Variants in UNG observed in about 807,000 individuals in gnomAD.
UNG encodes uracil-DNA glycosylase.
Under a neutral mutation model 36.5 loss-of-function variants are expected in UNG, and 34 were observed. That is an observed-to-expected ratio of 0.93 (90% CI 0.71 to 1.24). The LOEUF (loss-of-function observed/expected upper bound fraction) is 1.24, where lower values mean the gene tolerates loss of function less well. Ranked by LOEUF, UNG falls within the 50% of genes most tolerant of loss-of-function variation. The probability of loss-of-function intolerance (pLI) is 0.00; values close to 1 mark genes in which losing one functional copy is unlikely to be tolerated. For synonymous variants in UNG, 172 were observed against 157.8 expected, an observed-to-expected ratio of 1.09 and a Z score of -0.67; for missense variants, 391 against 397.6, an observed-to-expected ratio of 0.98 and a Z score of 0.14.
At chr12:109,103,852 T>A (rs2042197509) in intron 6 of UNG, among the ~76,000 whole-genome samples, 1 of 152,158 alleles carries the variant, frequency 6.6e-6, no homozygotes, top group South Asian at 2.1e-4. Context: ...TGTGACTGAA[T>A]GCAGTTGGTG....
chr12:109,103,342 C>T (rs1357215792), intron 5 of UNG, 91 bp from the exon 6 acceptor site: 5 of 1,207,524 alleles, frequency 4.1e-6, no homozygotes, highest in African/African-American at 3.0e-5. Flanking sequence ...TCCCATCAAG[C>T]ATTGGTTTCA....
At chr12:109,106,892 C>CATATATATATACGTGTAT (rs1593324300) in intron 6 of UNG, among the ~76,000 whole-genome samples, 1 of 8,686 alleles carries the variant, frequency 1.2e-4, no homozygotes, top group Non-Finnish European at 1.7e-4. Context: ...TATATATACA[C>CATATATATATACGTGTAT]ATATATATAT....
chr12:109,098,058 G>C (rs2042145094), intron 1 of UNG: 1 of 1,378,150 alleles, frequency 7.3e-7, no homozygotes, highest in African/African-American at 1.5e-5. Flanking sequence ...CTCCTGGCTC[G>C]GTGCGCTGTC....
chr12:109,109,596 AAT>A (rs1368784288), intron 6 of UNG, among the ~76,000 whole-genome samples: 3 of 151,990 alleles, frequency 2.0e-5, no homozygotes, highest in African/African-American at 7.3e-5. Flanking sequence ...CATCCTGGCC[AAT>A]ATGATGAAAC....
At chr12:109,109,016 C>T (rs904741192) in intron 6 of UNG, among the ~76,000 whole-genome samples, 1 of 152,106 alleles carries the variant, frequency 6.6e-6, no homozygotes, top group Admixed American at 6.5e-5. Context: ...CTTTGTTTTG[C>T]CCAGCTGTAG....
chr12:109,102,332 GC>G (rs1423930928), intron 4 of UNG, among the ~76,000 whole-genome samples: 1 of 152,150 alleles, frequency 6.6e-6, no homozygotes, highest in African/African-American at 2.4e-5. Context: ...ACTGCTTTGG[GC>G]CGGGCGCGGT....
Position 109,110,092 on chromosome 12 carries a change from A to G in UNG, c.*123A>G. The G allele has an allele frequency of 2.1e-6, 3 of 1,399,710 alleles. No individual in the cohort carries two copies. In the South Asian group the frequency reaches 3.7e-5, roughly 17 times the overall value. 86.7% of individuals were successfully genotyped at this position (1,399,710 alleles called of 1,614,324 possible). ...GCATAAGGGGGAAAAGCTTCCAGAA[A>G]GCAGCCATGAACCAGGCTGTCCAGG... On this transcript the variant is annotated 3_prime_UTR_variant, in exon 7 of 7. Coordinates refer to ENST00000242576, the MANE Select transcript of UNG (RefSeq NM_080911.3).
chr12:109,098,713 G>A, intron 2 of UNG, 75 bp downstream of exon 2: 1 of 1,596,448 alleles, frequency 6.3e-7, no homozygotes, highest in Non-Finnish European at 8.6e-7. Flanking sequence ...AGTGTAGCCG[G>A]CCAAGTTCAT....
rs2042139488 is a variant in UNG, at chr12:109,097,605, A to G, written c.-75A>G. 1.9e-6 allele frequency: 3 copies of G among 1,559,548 alleles called. No individual in the cohort carries two copies. The highest frequency in any genetic ancestry group is 2.6e-6 in the Non-Finnish European group (3 of 1,151,662). On this transcript the variant is annotated 5_prime_UTR_variant, in exon 1 of 7. Coordinates refer to ENST00000242576, the MANE Select transcript of UNG (RefSeq NM_080911.3). Reference sequence around the variant, plus strand: ...GCGGGCCGCTTGGCGCCAATTGCTGACCGCCACAGCCACAGCCAGGGCTAG... The same window carrying G: ...GCGGGCCGCTTGGCGCCAATTGCTGGCCGCCACAGCCACAGCCAGGGCTAG...
At chr12:109,106,228 C>T (rs191439521) in intron 6 of UNG, among the ~76,000 whole-genome samples, 61 of 152,234 alleles carry the variant, frequency 4.0e-4, no homozygotes, top group Admixed American at 3.9e-3. Context: ...ATTGTTATTC[C>T]CAGTCTACAG....
At position 109,110,774 on chromosome 12, in the gene UNG, T is replaced by G. The variant is rs2042257014; in HGVS notation, c.*805T>G. ...GTTTTTTTTAACCGACTGAAATCAC[T>G]TTGGGATATTTTTTCCTGCAACACT... On this transcript the variant is annotated 3_prime_UTR_variant, in exon 7 of 7. Transcript: ENST00000242576. The G allele has an allele frequency of 6.6e-6, 1 of 152,074 alleles. No homozygotes were observed. 9.4% of individuals were successfully genotyped at this position (152,074 alleles called of 1,614,324 possible).
chr12:109,101,292 C>T (rs563200428), intron 3 of UNG, among the ~76,000 whole-genome samples: 162 of 151,802 alleles, frequency 1.1e-3, no homozygotes, highest in African/African-American at 3.7e-3. Flanking sequence ...GGGGTTTCAC[C>T]ATGTTGGCCA....
rs1218115994 is a variant in UNG at position 109,110,209 on chromosome 12, A to C, written c.*240A>C. 3.6e-6 allele frequency: 2 copies of C among 559,334 alleles called. No individual in the cohort carries two copies. Among genetic ancestry groups the C allele is most frequent in the African/African-American group, 3.8e-5 (2 of 52,942 alleles). 34.6% of individuals were successfully genotyped at this position (559,334 alleles called of 1,614,324 possible). On this transcript the variant is annotated 3_prime_UTR_variant, in exon 7 of 7. Coordinates refer to ENST00000242576, the MANE Select transcript of UNG (RefSeq NM_080911.3). ...ATGGCTTCGGCCTAAAATATGCAGA[A>C]GACAGATGAGGTCAAATACTCAGTT...
At chr12:109,098,239 G>A in intron 1 of UNG, 193 bp from the exon 2 acceptor site, 1 of 1,490,390 alleles carries the variant, frequency 6.7e-7, no homozygotes, top group Non-Finnish European at 8.9e-7. Flanking sequence ...CCGTCTCCCC[G>A]CTCCAGTTTA....
In UNG at chr12:109,097,711, T is replaced by C. The variant is rs747684225; in HGVS notation, c.32T>C (p.Phe11Ser). Residue 11 changes from phenylalanine (F) to serine (S), a missense_variant, in exon 1 of 7, where the codon TTC becomes TCC. Phe to Ser is a radical substitution (Grantham distance 155, BLOSUM62 -2). Transcript: ENST00000242576. MIGQKTLYSF[F>S]SPSPARKRHA... ...GGCCAGAAGACGCTCTACTCCTTTTTCTCCCCCAGCCCCGCCAGGAAGCGA... is the reference window on the plus strand; with the variant it reads ...GGCCAGAAGACGCTCTACTCCTTTTCCTCCCCCAGCCCCGCCAGGAAGCGA... The C allele has an allele frequency of 1.4e-4, 220 of 1,595,840 alleles. No homozygotes were observed. The highest frequency in any genetic ancestry group is 1.9e-4 in the Admixed American group (11 of 57,986).
Position 109,103,528 on chromosome 12 carries a change from T to A in UNG, c.718T>A (p.Ser240Thr), listed in dbSNP as rs762596814. 5 of 1,614,216 alleles carry A rather than the reference T, an allele frequency of 3.1e-6. No homozygotes were observed. Among genetic ancestry groups the A allele is most frequent in the Non-Finnish European group, 2.5e-6 (3 of 1,180,040 alleles). Residue 240 changes from serine (S) to threonine (T), a missense_variant, in exon 6 of 7, where the codon TCC becomes ACC. Coordinates refer to ENST00000242576, the MANE Select transcript of UNG (RefSeq NM_080911.3). ...GWEQFTDAVV[S>T]WLNQNSNGLV... ...GGAGCAGTTCACTGATGCAGTTGTG[T>A]CCTGGCTAAATCAGAACTCGAATGG...
intron 5 of UNG, 37 bp from the exon 6 acceptor site, chr12:109,103,396 T>C: frequency 6.2e-7 from 1 of 1,606,392 alleles, no homozygotes; most frequent in Non-Finnish European, 8.5e-7. Context: ...CTGATTTGCC[T>C]GAGCCTACAT....
chr12:109,097,706 CT>C lies in UNG; in HGVS notation c.32del (p.Phe11SerfsTer56). 2 of 1,599,652 alleles carry C rather than the reference CT, an allele frequency of 1.3e-6. No homozygotes were observed. Among genetic ancestry groups the C allele is most frequent in the East Asian group, 2.3e-5 (1 of 43,760 alleles). On this transcript the variant is annotated frameshift_variant, in exon 1 of 7. Transcript: ENST00000242576. LOFTEE classifies it high-confidence loss of function. ...TGATCGGCCAGAAGACGCTCTACTCCTTTTTCTCCCCCAGCCCCGCCAGGAA... is the reference window on the plus strand; with the variant it reads ...TGATCGGCCAGAAGACGCTCTACTCCTTTTCTCCCCCAGCCCCGCCAGGAA... MIGQKTLYS[F>X]FSPSPARKRH...
chr12:109,108,798 CT>C (rs558737162), intron 6 of UNG, among the ~76,000 whole-genome samples: 1 of 152,102 alleles, frequency 6.6e-6, no homozygotes, highest in Admixed American at 6.6e-5. Context: ...ACTTGGCTAA[CT>C]TTTTAATTTT....
Sources: allele counts gnomAD v4.1 joint callset (sites outside exome capture counted in the v4.1 genomes callset), GRCh38; gene constraint gnomAD v4.1.1; transcripts MANE v1.5; gene names NCBI Gene and HGNC (gene_info 2026-07-23, HGNC 2026-07-21).